POLQ: variants seen among roughly 807,000 people sequenced by gnomAD.
POLQ encodes epididymis secretory sperm binding protein.
Under a neutral mutation model 259.2 loss-of-function variants are expected in POLQ, and 233 were observed. That is an observed-to-expected ratio of 0.90 (90% CI 0.81 to 1.00). The LOEUF (loss-of-function observed/expected upper bound fraction) is 1.00, where lower values mean the gene tolerates loss of function less well. Among genes scored for constraint, POLQ ranks in the 50% least tolerant of loss-of-function variants. POLQ has a pLI of 0.00. For missense variants in POLQ, 2,871 were observed against 3,051.6 expected, an observed-to-expected ratio of 0.94 and a Z score of 1.39; for synonymous variants, 1,025 against 1,048.8, an observed-to-expected ratio of 0.98 and a Z score of 0.44.
At chr3:121,457,791 T>G (rs1311103619) in intron 25 of POLQ, among the ~76,000 whole-genome samples, 2 of 152,304 alleles carry the variant, frequency 1.3e-5, no homozygotes, top group Admixed American at 6.5e-5. Context: ...TTGGTGGGAC[T>G]GTAAACTAGT....
At chr3:121,498,266 C>T (rs906891569) in intron 13 of POLQ, among the ~76,000 whole-genome samples, 1 of 151,318 alleles carries the variant, frequency 6.6e-6, no homozygotes, top group Non-Finnish European at 1.5e-5. Context: ...GCTGAGATCG[C>T]GCTATTGCAC....
chr3:121,493,133 C>T (rs2048083259), intron 15 of POLQ, among the ~76,000 whole-genome samples: 1 of 151,970 alleles, frequency 6.6e-6, no homozygotes, highest in Non-Finnish European at 1.5e-5. Flanking sequence ...GAAACCCTGT[C>T]TCTACTAAAA....
intron 14 of POLQ, chr3:121,494,303 C>G: frequency 1.9e-6 from 3 of 1,596,916 alleles, no homozygotes; most frequent in Admixed American, 3.3e-5. Context: ...GTTGCAGCGG[C>G]AGAGAGCCAT....
intron 14 of POLQ, chr3:121,494,795 T>A: frequency 6.7e-7 from 1 of 1,489,132 alleles, no homozygotes; most frequent in Non-Finnish European, 9.2e-7. Flanking sequence ...CAACGACAGA[T>A]AGGATGAGAC....
chr3:121,524,599 G>A (rs779017453), intron 7 of POLQ, among the ~76,000 whole-genome samples: 4 of 152,002 alleles, frequency 2.6e-5, no homozygotes, highest in Admixed American at 2.6e-4. Context: ...ACCAGGCTGA[G>A]TGAAAGCAAG....
chr3:121,454,803 A>C (rs920398716), intron 25 of POLQ, among the ~76,000 whole-genome samples: 1 of 152,114 alleles, frequency 6.6e-6, no homozygotes, highest in Admixed American at 6.6e-5. Flanking sequence ...ACACCCCACT[A>C]TCAACATTAG....
rs777122421 is a variant in POLQ at position 121,541,492 on chromosome 3, T to A, written c.344-13A>T. On this transcript the variant is annotated splice_polypyrimidine_tract_variant and intron_variant, in intron 2 of 29. Coordinates refer to ENST00000264233, the MANE Select transcript of POLQ (RefSeq NM_199420.4). ...GCACTTGTAGGAGCTAAAACATGAT[T>A]ATTCCACAAGATTATAAGAAAAAAG... The A allele has an allele frequency of 3.2e-6, 5 of 1,581,570 alleles. No individual in the cohort carries two copies. Among genetic ancestry groups the A allele is most frequent in the Non-Finnish European group, 4.3e-6 (5 of 1,166,992 alleles).
intron 15 of POLQ, among the ~76,000 whole-genome samples, chr3:121,491,526 C>T (rs2048068836): frequency 6.6e-6 from 1 of 151,920 alleles, no homozygotes; most frequent in Non-Finnish European, 1.5e-5. Context: ...TTAATTTTCA[C>T]TTTTTACCTG....
chr3:121,468,818 T>TA (rs2047860108), intron 22 of POLQ, among the ~76,000 whole-genome samples: 1 of 152,216 alleles, frequency 6.6e-6, no homozygotes, highest in Non-Finnish European at 1.5e-5. Context: ...CTGACGCTTC[T>TA]AAAAACAACA....
At chr3:121,472,448 C>T (rs1560092674) in intron 21 of POLQ, among the ~76,000 whole-genome samples, 1 of 152,180 alleles carries the variant, frequency 6.6e-6, no homozygotes, top group Non-Finnish European at 1.5e-5. Flanking sequence ...CCACACCCGA[C>T]CAAAAGTTTA....
chr3:121,533,343 A>G, intron 5 of POLQ, 134 bp from the exon 6 acceptor site: 1 of 475,772 alleles, frequency 2.1e-6, no homozygotes, highest in Non-Finnish European at 3.6e-6. Flanking sequence ...CCTAAGAATA[A>G]AATTACTGAG....
intron 7 of POLQ, among the ~76,000 whole-genome samples, chr3:121,527,452 C>T (rs2048381362): frequency 6.6e-6 from 1 of 152,206 alleles, no homozygotes. Context: ...CTGCCTTGGC[C>T]TTCCAAAGTG....
At chr3:121,542,142 G>GAAA (rs770847564) in intron 2 of POLQ, among the ~76,000 whole-genome samples, 4 of 122,408 alleles carry the variant, frequency 3.3e-5, no homozygotes, top group Admixed American at 1.6e-4. Flanking sequence ...TCTCAAAAAG[G>GAAA]AAAAAAAAAA....
At chr3:121,481,117 CAA>C (rs2047966896) in intron 19 of POLQ, among the ~76,000 whole-genome samples, 1 of 152,120 alleles carries the variant, frequency 6.6e-6, no homozygotes, top group African/African-American at 2.4e-5. Context: ...TTAATAGTTC[CAA>C]AAAGAAAAGA....
intron 25 of POLQ, among the ~76,000 whole-genome samples, chr3:121,453,054 C>A (rs961619748): frequency 1.2e-4 from 18 of 152,208 alleles, no homozygotes; most frequent in Non-Finnish European, 2.1e-4. Context: ...TCCAGAGGAA[C>A]GATCAGACAG....
At chr3:121,544,978 G>A (rs2048520322) in intron 1 of POLQ, 72 bp from the exon 2 acceptor site, 4 of 913,854 alleles carry the variant, frequency 4.4e-6, no homozygotes, top group East Asian at 2.7e-5. Context: ...GCCCTTCACC[G>A]TGTGTTGGAA....
chr3:121,527,814 G>C (rs1374915550), intron 7 of POLQ, among the ~76,000 whole-genome samples: 1 of 152,082 alleles, frequency 6.6e-6, no homozygotes, highest in African/African-American at 2.4e-5. Context: ...TTACAGTACT[G>C]CACTAAATAT....
intron 9 of POLQ, among the ~76,000 whole-genome samples, chr3:121,518,951 C>A (rs2048317773): frequency 6.6e-6 from 1 of 152,142 alleles, no homozygotes; most frequent in Admixed American, 6.6e-5. Flanking sequence ...GCCGTTTTGA[C>A]ATTTAATTCA....
rs1287819127 is a variant in POLQ, at chr3:121,483,330, GAATT to G, written c.5970+52_5970+55del. 11 of 963,050 alleles carry G rather than the reference GAATT, an allele frequency of 1.1e-5. No individual in the cohort carries two copies. In the African/African-American group the frequency reaches 1.9e-4, roughly 16 times the overall value. The allele number at this position is 963,050 out of a possible 1,614,324, so 59.7% of individuals were successfully genotyped here. On this transcript the variant is annotated intron_variant, in intron 18 of 29. Transcript: ENST00000264233. ...GCTAAGTAAATACCAAGTCATTTAA[GAATT>G]AACACTAAAAATGTTGTTTTAAGTA...
Sources: gnomAD v4.1 joint callset for allele counts (sites outside exome capture counted in the v4.1 genomes callset) on GRCh38, gnomAD v4.1.1 for gene constraint, MANE v1.5 for transcripts, NCBI Gene and HGNC (gene_info 2026-07-23, HGNC 2026-07-21) for gene names.